Variants in HHLA2 observed in about 807,000 individuals in gnomAD.
The protein encoded by HHLA2 is HHLA2 member of B7 family, also known as HERV-H LTR-associating protein 2.
A neutral mutation model predicts 45.9 loss-of-function variants in HHLA2; 48 were observed. The ratio of observed to expected loss-of-function variants is 1.05; its 90% CI spans 0.83 to 1.33. The LOEUF is 1.33. Ranked by LOEUF, HHLA2 falls within the 40% of genes most tolerant of loss-of-function variation. The probability of loss-of-function intolerance (pLI) is 0.00; values close to 1 mark genes in which losing one functional copy is unlikely to be tolerated. For synonymous variants in HHLA2, 161 were observed against 173.9 expected, an observed-to-expected ratio of 0.93 and a Z score of 0.59; for missense variants, 462 against 494.3, an observed-to-expected ratio of 0.93 and a Z score of 0.62.
At chr3:108,316,162 G>A (rs1212761290) in intron 2 of HHLA2, among the ~76,000 whole-genome samples, 1 of 151,920 alleles carries the variant, frequency 6.6e-6, no homozygotes, top group Admixed American at 6.6e-5. Context: ...CACAGTTGCT[G>A]TGATAAAGTA....
intron 3 of HHLA2, among the ~76,000 whole-genome samples, chr3:108,348,972 C>CT (rs1211169399): frequency 6.6e-6 from 1 of 151,990 alleles, no homozygotes; most frequent in African/African-American, 2.4e-5. Context: ...TGAACTCATC[C>CT]TTTTTTATGG....
intron 7 of HHLA2, among the ~76,000 whole-genome samples, chr3:108,360,344 T>C (rs1307426742): frequency 6.6e-6 from 1 of 152,200 alleles, no homozygotes; most frequent in East Asian, 1.9e-4. Context: ...TTTTCTTCTT[T>C]CTTTCTTCAC....
intron 2 of HHLA2, among the ~76,000 whole-genome samples, chr3:108,317,434 A>C (rs2081120686): frequency 6.6e-6 from 1 of 152,240 alleles, no homozygotes; most frequent in East Asian, 1.9e-4. Context: ...CAGTGAGGGA[A>C]GAAGGGAACA....
exon 11 of HHLA2, chr3:108,377,442 G>C (rs1560291851): frequency 3.3e-6 from 2 of 605,066 alleles, no homozygotes; most frequent in Non-Finnish European, 3.0e-6. Context: ...TATTTTTCAA[G>C]ACATACTTTT....
intron 6 of HHLA2, among the ~76,000 whole-genome samples, chr3:108,355,873 T>C (rs2081880174): frequency 6.6e-6 from 1 of 152,198 alleles, no homozygotes; most frequent in Admixed American, 6.5e-5. Flanking sequence ...CATCAATCTT[T>C]ATCCAACACC....
At chr3:108,318,335 A>T (rs1321296208) in intron 2 of HHLA2, among the ~76,000 whole-genome samples, 1 of 152,138 alleles carries the variant, frequency 6.6e-6, no homozygotes, top group East Asian at 1.9e-4. Context: ...AGTCATCATC[A>T]ATGGCCATGG....
At chr3:108,374,380 A>C (rs1187442492) in intron 8 of HHLA2, among the ~76,000 whole-genome samples, 1 of 151,596 alleles carries the variant, frequency 6.6e-6, no homozygotes, top group African/African-American at 2.4e-5. Flanking sequence ...AAAACCCTAG[A>C]AGAAAACCTA....
chr3:108,347,383 C>G (rs2081683567), intron 3 of HHLA2, among the ~76,000 whole-genome samples: 2 of 152,202 alleles, frequency 1.3e-5, no homozygotes, highest in South Asian at 4.1e-4. Context: ...CATGCTCATG[C>G]TGACCCTTGA....
At chr3:108,299,326 A>T (rs984039002) in intron 1 of HHLA2, among the ~76,000 whole-genome samples, 10 of 149,286 alleles carry the variant, frequency 6.7e-5, no homozygotes, top group African/African-American at 2.2e-4. Context: ...ACCCAGAAAA[A>T]ATATATATAT....
exon 5 of HHLA2, chr3:108,353,545 A>G: frequency 6.2e-7 from 1 of 1,613,516 alleles, no homozygotes; most frequent in Non-Finnish European, 8.5e-7. Flanking sequence ...AAGTCGTAAT[A>G]CACTGGAAGT....
At chr3:108,296,629 C>T (rs1344935729) in intron 1 of HHLA2, 30 bp downstream of exon 1, 2 of 152,114 alleles carry the variant, frequency 1.3e-5, no homozygotes, top group Non-Finnish European at 2.9e-5. Flanking sequence ...TTGTTTATAC[C>T]TAGAACTTAA....
intron 3 of HHLA2, among the ~76,000 whole-genome samples, chr3:108,344,912 G>A (rs1166839967): frequency 1.3e-5 from 2 of 152,170 alleles, no homozygotes; most frequent in Admixed American, 6.6e-5. Context: ...CATTTGACAA[G>A]AAGAAACATT....
At chr3:108,316,230 C>A (rs1161036559) in intron 2 of HHLA2, among the ~76,000 whole-genome samples, 1 of 152,044 alleles carries the variant, frequency 6.6e-6, no homozygotes, top group Non-Finnish European at 1.5e-5. Flanking sequence ...ATTATAAAAT[C>A]TTTAATATTC....
intron 1 of HHLA2, among the ~76,000 whole-genome samples, chr3:108,304,820 G>A (rs116077834): frequency 6.6e-6 from 1 of 152,102 alleles, no homozygotes; most frequent in Admixed American, 6.5e-5. Flanking sequence ...TGGGGGTACA[G>A]CATCATTCTT....
At chr3:108,299,708 T>A (rs2080820056) in intron 1 of HHLA2, among the ~76,000 whole-genome samples, 1 of 152,174 alleles carries the variant, frequency 6.6e-6, no homozygotes, top group South Asian at 2.1e-4. Context: ...ATGACCCAAG[T>A]GGCAAGCATT....
intron 8 of HHLA2, among the ~76,000 whole-genome samples, chr3:108,368,603 A>G (rs1368919447): frequency 6.7e-6 from 1 of 149,782 alleles, no homozygotes; most frequent in Non-Finnish European, 1.5e-5. Flanking sequence ...CTGATAAAAC[A>G]GACTTTAAAC....
intron 3 of HHLA2, among the ~76,000 whole-genome samples, chr3:108,350,662 T>C (rs1288305944): frequency 6.6e-6 from 1 of 152,088 alleles, no homozygotes; most frequent in Non-Finnish European, 1.5e-5. Context: ...AGCTCCTAAA[T>C]GGTATCTTTT....
chr3:108,333,882 C>T (rs2081428723), intron 3 of HHLA2, among the ~76,000 whole-genome samples: 1 of 152,072 alleles, frequency 6.6e-6, no homozygotes, highest in Non-Finnish European at 1.5e-5. Context: ...CTTTTTGGCT[C>T]AAAAGATTGT....
chr3:108,341,133 G>A (rs374979401), intron 3 of HHLA2, among the ~76,000 whole-genome samples: 54 of 151,712 alleles, frequency 3.6e-4, no homozygotes, highest in African/African-American at 1.2e-3. Flanking sequence ...TTGTATTTTT[G>A]GTAGAGAAGG....
Sources: gnomAD v4.1 joint callset for allele counts (sites outside exome capture counted in the v4.1 genomes callset) on GRCh38, gnomAD v4.1.1 for gene constraint, MANE v1.5 for transcripts, NCBI Gene and HGNC (gene_info 2026-07-23, HGNC 2026-07-21) for gene names.